Variants in PRDM15 observed in about 807,000 individuals in gnomAD.
PRDM15 encodes the protein PR domain zinc finger protein 15.
PRDM15 carries 64 observed loss-of-function variants against 128.6 expected under a neutral mutation model. That is an observed-to-expected ratio of 0.50 (90% CI 0.41 to 0.61). The LOEUF (loss-of-function observed/expected upper bound fraction) is 0.61. Among genes scored for constraint, PRDM15 ranks in the 20% least tolerant of loss-of-function variants. The pLI, the probability that PRDM15 is intolerant of heterozygous loss-of-function variation, is 0.00. For missense variants in PRDM15, 1,242 were observed against 1,569.1 expected (o/e 0.79, Z 3.52); for synonymous variants, 615 against 621.8 (o/e 0.99, Z 0.16).
In PRDM15 at chr21:41,820,191, G is replaced by T. The variant is rs141038275; in HGVS notation, c.2061-17C>A. Reference sequence around the variant, plus strand: ...TGGATGTACCTGAAACCAGAGACAAGCTCAGGATGGCCGCACAGCCTCGGG... The same window carrying T: ...TGGATGTACCTGAAACCAGAGACAATCTCAGGATGGCCGCACAGCCTCGGG... On this transcript the variant is annotated splice_polypyrimidine_tract_variant and intron_variant, in intron 16 of 23. Coordinates refer to ENST00000398548, the MANE Select transcript of PRDM15 (RefSeq NM_001040424.3). The T allele has an allele frequency of 1.7e-5, 27 of 1,609,710 alleles. 1 individual carries two copies. The African/African-American group carries it at 2.1e-4, about 13-fold the overall frequency.
chr21:41,822,103 C>T (rs997305774), intron 14 of PRDM15, 66 bp from the exon 15 acceptor site: 71 of 1,598,710 alleles, frequency 4.4e-5, no homozygotes, highest in Non-Finnish European at 5.5e-5. Flanking sequence ...TTATCTACAC[C>T]GCAGGGACGA....
chr21:41,806,087 C>G (rs965581693), intron 21 of PRDM15, among the ~76,000 whole-genome samples: 4 of 4,740 alleles, frequency 8.4e-4, no homozygotes, highest in African/African-American at 1.0e-3. Flanking sequence ...ATCACCACCA[C>G]CACCATCACC....
intron 1 of PRDM15, among the ~76,000 whole-genome samples, chr21:41,878,506 G>C (rs2064501983): frequency 6.6e-6 from 1 of 152,146 alleles, no homozygotes; most frequent in South Asian, 2.1e-4. Context: ...GCAGGACGCT[G>C]CGCGTGGCCC....
In PRDM15 at chr21:41,828,023, A is replaced by G; in HGVS notation, c.1534+143T>C. Reference sequence around the variant, plus strand: ...CAGGTTCTCAGAAGAGGATGAGCCCATCGGATGGCGGGCGTTTCCAGGCAA... The same window carrying G: ...CAGGTTCTCAGAAGAGGATGAGCCCGTCGGATGGCGGGCGTTTCCAGGCAA... On this transcript the variant is annotated intron_variant, in intron 12 of 23. Transcript: ENST00000398548. This position sits in a 1 kb window ranked among gnomAD's most constrained non-coding sequence, Gnocchi z 5.7. The G allele has an allele frequency of 1.3e-6, 1 of 758,582 alleles. No homozygotes were observed. The highest frequency in any genetic ancestry group is 2.4e-5 in the Admixed American group (1 of 41,348). 47.0% of individuals were successfully genotyped at this position (758,582 alleles called of 1,614,324 possible).
chr21:41,874,521 ATATAT>A (rs1181573417), intron 1 of PRDM15, among the ~76,000 whole-genome samples: 90 of 47,952 alleles, frequency 1.9e-3, no homozygotes, highest in African/African-American at 4.7e-3. Context: ...ATATATATAT[ATATAT>A]TTTTTTTTTT....
At chr21:41,805,988 TCAC>T (rs771551606) in intron 21 of PRDM15, among the ~76,000 whole-genome samples, 320 of 42,756 alleles carry the variant, frequency 7.5e-3, no homozygotes, top group East Asian at 0.047. Context: ...ATCACCACTA[TCAC>T]CACCACCACC....
At position 41,801,164 on chromosome 21, in the gene PRDM15, G is replaced by A; in HGVS notation, c.*76C>T. ...GCAATGTATGACTTTTTGTTTGTTT[G>A]GTATCCAGCAAACACATCTAAACAA... On this transcript the variant is annotated 3_prime_UTR_variant, in exon 24 of 24. Transcript: ENST00000398548. 6.7e-7 allele frequency: 1 copy of A among 1,488,392 alleles called. No homozygotes were observed. Among genetic ancestry groups the A allele is most frequent in the Non-Finnish European group, 8.9e-7 (1 of 1,125,686 alleles). 92.2% of individuals were successfully genotyped at this position (1,488,392 alleles called of 1,614,324 possible). A position where few individuals can be genotyped will look rare whatever the true frequency, so the allele number is the denominator to read the frequency against.
At chr21:41,820,250 C>T in intron 16 of PRDM15, 76 bp from the exon 17 acceptor site, 1 of 1,139,284 alleles carries the variant, frequency 8.8e-7, no homozygotes, top group Non-Finnish European at 1.3e-6. Flanking sequence ...TCCCCAGCAC[C>T]TTCATCTGCA....
chr21:41,876,695 G>C (rs777735149), intron 1 of PRDM15, among the ~76,000 whole-genome samples: 2 of 152,206 alleles, frequency 1.3e-5, no homozygotes, highest in Non-Finnish European at 2.9e-5. Context: ...GTTTGAAGAT[G>C]TCTGCTCTAC....
In PRDM15 at chr21:41,874,525, A is replaced by ATATTTTTT; in HGVS notation, c.-10+4744_-10+4745insAAAAAATA. Among the ~76,000 whole-genome samples, 230 of 95,796 alleles carry ATATTTTTT rather than the reference A, an allele frequency of 2.4e-3. 2 individuals carry two copies. The highest frequency in any genetic ancestry group is 6.2e-3 in the African/African-American group (150 of 24,104). 62.8% of individuals were successfully genotyped at this position (95,796 alleles called of 152,430 possible). A position where few individuals can be genotyped will look rare whatever the true frequency, so the allele number is the denominator to read the frequency against. On this transcript the variant is annotated intron_variant, in intron 1 of 23. Transcript: ENST00000398548. ...TGCATATATATATATATATATATAT[A>ATATTTTTT]TTTTTTTTTTTTTTTGAAACTTACA... is the stretch of plus-strand genomic sequence containing the variant.
At chr21:41,803,269 A>C (rs2061466065) in intron 22 of PRDM15, among the ~76,000 whole-genome samples, 1 of 152,220 alleles carries the variant, frequency 6.6e-6, no homozygotes, top group South Asian at 2.1e-4. Flanking sequence ...CAAGGCTGAA[A>C]ATGCTTTCAA....
chr21:41,861,899 T>C (rs2063826022), intron 1 of PRDM15: 2 of 1,608,460 alleles, frequency 1.2e-6, no homozygotes, highest in Middle Eastern at 1.7e-4. Context: ...AAAACAGCAC[T>C]GTATCTTCTT....
chr21:41,819,458 C>CG (rs2062170105), intron 18 of PRDM15, 124 bp downstream of exon 18: 50 of 988,334 alleles, frequency 5.1e-5, no homozygotes, highest in South Asian at 1.1e-4. Flanking sequence ...CCCGTGGCCC[C>CG]GGCCCCCGCC....
At chr21:41,803,467 T>A (rs1428001929) in intron 22 of PRDM15, among the ~76,000 whole-genome samples, 2 of 152,200 alleles carry the variant, frequency 1.3e-5, no homozygotes, top group East Asian at 1.9e-4. Flanking sequence ...TGTGACCACA[T>A]CCTCTGAACC....
At chr21:41,837,862 C>T in intron 8 of PRDM15, 72 bp downstream of exon 8, 2 of 1,562,562 alleles carry the variant, frequency 1.3e-6, no homozygotes, top group East Asian at 4.5e-5. Context: ...AGGTGCCTTC[C>T]CTCCAGAATG....
At chr21:41,868,694 C>CCTT (rs369284993) in intron 1 of PRDM15, among the ~76,000 whole-genome samples, 10 of 125,200 alleles carry the variant, frequency 8.0e-5, no homozygotes, top group Non-Finnish European at 1.3e-4. Context: ...TTTTCTTTTT[C>CCTT]TTTTTTTTTT....
In PRDM15 at chr21:41,815,351, A is replaced by G. The variant is rs773042769; in HGVS notation, c.2392+354T>C. On this transcript the variant is annotated intron_variant, in intron 19 of 23. Transcript: ENST00000398548. The stretch of plus-strand genomic sequence containing the variant: ...TCCAGCGCCTTCCCTAACTCAAAAG[A>G]TGACAAGCAACCTTGCATGCACATC... Among the ~76,000 whole-genome samples the G allele has an allele frequency of 7.2e-5, 11 of 152,334 alleles. No individual in the cohort carries two copies. In the East Asian group the frequency reaches 1.9e-3, roughly 27 times the overall value.
At chr21:41,855,252 G>A (rs943973605) in intron 4 of PRDM15, among the ~76,000 whole-genome samples, 1 of 152,152 alleles carries the variant, frequency 6.6e-6, no homozygotes. Flanking sequence ...ACTGGGAACT[G>A]GGACACAGTT....
chr21:41,847,332 C>A, intron 5 of PRDM15, 141 bp from the exon 6 acceptor site: 1 of 596,194 alleles, frequency 1.7e-6, no homozygotes, highest in South Asian at 2.1e-5. Flanking sequence ...TGTGGTCACT[C>A]CACATGACAG....
Sources: allele counts gnomAD v4.1 joint callset (sites outside exome capture counted in the v4.1 genomes callset), GRCh38; gene constraint gnomAD v4.1.1; non-coding constraint Gnocchi (gnomAD v3.1); transcripts MANE v1.5; gene names NCBI Gene and HGNC (gene_info 2026-07-23, HGNC 2026-07-21).